The following UCHL5 variants were observed in gnomAD, a reference collection of about 807,000 sequenced individuals.
UCHL5 encodes the protein ubiquitin carboxyl-terminal hydrolase isozyme L5.
UCHL5 carries 34 observed loss-of-function variants against 53.8 expected under a neutral mutation model. That is an observed-to-expected ratio of 0.63 (90% confidence interval 0.48 to 0.84). The LOEUF (loss-of-function observed/expected upper bound fraction) is 0.84. UCHL5 is among the 40% of genes least tolerant of loss of function. The pLI is 0.00. For synonymous variants in UCHL5, 111 were observed against 126.3 expected, an observed-to-expected ratio of 0.88 and a Z score of 0.81; for missense variants, 290 against 385.6, an observed-to-expected ratio of 0.75 and a Z score of 2.08.
At chr1:193,036,551 ACT>A (rs1207450018) in intron 3 of UCHL5, among the ~76,000 whole-genome samples, 1 of 151,836 alleles carries the variant, frequency 6.6e-6, no homozygotes, top group East Asian at 1.9e-4. Flanking sequence ...ACTACTATCT[ACT>A]CTCTCTGACA....
chr1:193,039,047 T>A (rs1388972032), intron 3 of UCHL5, among the ~76,000 whole-genome samples: 1 of 152,182 alleles, frequency 6.6e-6, no homozygotes, highest in Non-Finnish European at 1.5e-5. Context: ...CTATTATATA[T>A]GCCAACAGTG....
chr1:193,028,562 CAAAAT>C (rs1023160600), intron 6 of UCHL5, among the ~76,000 whole-genome samples: 6 of 151,946 alleles, frequency 3.9e-5, no homozygotes, highest in Non-Finnish European at 8.8e-5. Flanking sequence ...TTAATGAAGT[CAAAAT>C]AAGGAGTTAA....
In UCHL5 at chr1:193,012,831, CAT is replaced by C. The variant is rs1476763533; in HGVS notation, c.*3518_*3519del. On this transcript the variant is annotated 3_prime_UTR_variant, in exon 11 of 11. Transcript: ENST00000367454. ...CATCTAGAACAACTCAGATGTACCT[CAT>C]AAGATTGGCTGAATAAATCACTGAA... is the stretch of plus-strand genomic sequence containing the variant. 5.3e-5 allele frequency: 8 copies of C among 152,144 alleles called. No homozygotes were observed. The highest frequency in any genetic ancestry group is 8.8e-5 in the Non-Finnish European group (6 of 68,024). 9.4% of individuals were successfully genotyped at this position (152,144 alleles called of 1,614,324 possible). A position where few individuals can be genotyped will look rare whatever the true frequency, so the allele number is the denominator to read the frequency against.
intron 1 of UCHL5, chr1:193,057,231 CTCTT>C (rs1259602185): frequency 6.5e-6 from 1 of 152,780 alleles, no homozygotes; most frequent in East Asian, 1.9e-4. Flanking sequence ...TTATTTTTGC[CTCTT>C]TTTTTCCCCA....
chr1:193,051,860 T>C, intron 1 of UCHL5, 43 bp from the exon 2 acceptor site: 1 of 1,406,372 alleles, frequency 7.1e-7, no homozygotes, highest in Non-Finnish European at 9.8e-7. Flanking sequence ...GGATAATTCA[T>C]TTTTTCCTTC....
rs982979473 is a variant in UCHL5 at position 193,048,506 on chromosome 1, A to G, written c.246+1240T>C. On this transcript the variant is annotated intron_variant, in intron 3 of 10. Coordinates refer to ENST00000367454, the MANE Select transcript of UCHL5 (RefSeq NM_001199261.3). ...GCAACATAATCCAAAGGATTTTACCATAACAAAGTACAAATTTTACATTAC... is the reference window on the plus strand; with the variant it reads ...GCAACATAATCCAAAGGATTTTACCGTAACAAAGTACAAATTTTACATTAC... Among the ~76,000 whole-genome samples, 7 of 152,256 alleles carry G rather than the reference A, an allele frequency of 4.6e-5. No homozygotes were observed. In the South Asian group the frequency reaches 1.4e-3, roughly 31 times the overall value.
chr1:193,021,016 T>C (rs2102302344), intron 10 of UCHL5, 81 bp downstream of exon 10: 2 of 1,131,192 alleles, frequency 1.8e-6, no homozygotes, highest in Non-Finnish European at 2.5e-6. Context: ...TTTACCTCTA[T>C]TCAAGCAAAA....
At chr1:193,049,888 T>G in intron 2 of UCHL5, 37 bp from the exon 3 acceptor site, 1 of 1,525,114 alleles carries the variant, frequency 6.6e-7, no homozygotes. Context: ...CATCAAACCC[T>G]GCTTCTTTCA....
rs188081044 is a variant in UCHL5, at chr1:193,027,960, G to A, written c.629+125C>T. ...CAACATGGTGAAAACCCGTCTCTAC[G>A]AAAAATTAAAAAGAAAAAAAAAAGT... On this transcript the variant is annotated intron_variant, in intron 7 of 10. Coordinates refer to ENST00000367454, the MANE Select transcript of UCHL5 (RefSeq NM_001199261.3). The A allele has an allele frequency of 5.4e-4, 807 of 1,494,786 alleles. 1 individual carries two copies. The African/African-American group carries it at 9.8e-3, about 18-fold the overall frequency. 92.6% of individuals were successfully genotyped at this position (1,494,786 alleles called of 1,614,324 possible). A position where few individuals can be genotyped will look rare whatever the true frequency, so the allele number is the denominator to read the frequency against.
At position 193,016,377 on chromosome 1, in the gene UCHL5, C is replaced by T. The variant is rs146351256; in HGVS notation, c.961G>A (p.Ala321Thr). 1,216 of 1,605,162 alleles carry T rather than the reference C, an allele frequency of 7.6e-4. No individual in the cohort carries two copies. The highest frequency in any genetic ancestry group is 9.8e-4 in the Non-Finnish European group (1,156 of 1,176,976). The change falls in exon 11 of 11, where the codon GCA (alanine) becomes ACA (threonine). Residue 321 changes from alanine to threonine, a missense_variant. Coordinates refer to ENST00000367454, the MANE Select transcript of UCHL5 (RefSeq NM_001199261.3). ...CATTTGGTTTCCTGAGCTTTCTTTGCGTTCTGTTTTTCTTTTGCCTAAAAA... is the reference window on the plus strand; with the variant it reads ...CATTTGGTTTCCTGAGCTTTCTTTGTGTTCTGTTTTTCTTTTGCCTAAAAA... ...LVEKAKEKQNAKKAQETK is the reference protein window; with the variant it reads ...LVEKAKEKQNTKKAQETK
chr1:193,049,504 G>A (rs1235925935), intron 3 of UCHL5: 8 of 318,300 alleles, frequency 2.5e-5, no homozygotes, highest in East Asian at 5.4e-5. Flanking sequence ...CATGCCTGGC[G>A]TAAATATTAT....
chr1:193,054,954 T>C (rs185256763), intron 1 of UCHL5, among the ~76,000 whole-genome samples: 1 of 152,282 alleles, frequency 6.6e-6, no homozygotes. Flanking sequence ...GAAATGTCAA[T>C]ACAAAAATCC....
rs1432089738 is a variant in UCHL5, at chr1:193,020,497, A to C, written c.942+600T>G. The C allele has an allele frequency of 2.8e-6, 4 of 1,448,768 alleles. No homozygotes were observed. In the South Asian group the frequency reaches 6.0e-5, roughly 22 times the overall value. 89.7% of individuals were successfully genotyped at this position (1,448,768 alleles called of 1,614,324 possible). A position where few individuals can be genotyped will look rare whatever the true frequency, so the allele number is the denominator to read the frequency against. On this transcript the variant is annotated intron_variant, in intron 10 of 10. Transcript: ENST00000367454. ...GTAACATGTATTTTAAAGAGTATCC[A>C]CTGATGTTCACTTTCAGAAACACTG...
At position 193,049,865 on chromosome 1, in the gene UCHL5, T is replaced by C. The variant is rs772983051; in HGVS notation, c.141-14A>G. 1.9e-5 allele frequency: 31 copies of C among 1,595,752 alleles called. No individual in the cohort carries two copies. The Admixed American group carries it at 3.1e-4, about 16-fold the overall frequency. ...CCATGAACTGGCCTACAAAATAAAA[T>C]ACAAATTAATGACATCAAACCCTGC... is the stretch of plus-strand genomic sequence containing the variant. On this transcript the variant is annotated splice_polypyrimidine_tract_variant and intron_variant, in intron 2 of 10. Coordinates refer to ENST00000367454, the MANE Select transcript of UCHL5 (RefSeq NM_001199261.3).
intron 8 of UCHL5, 96 bp from the exon 9 acceptor site, chr1:193,023,132 A>G: frequency 1.0e-6 from 1 of 956,444 alleles, no homozygotes; most frequent in South Asian, 1.6e-5. Context: ...TTATTTTCAA[A>G]TTTTTACTCT....
At chr1:193,051,952 T>C in intron 1 of UCHL5, 135 bp from the exon 2 acceptor site, 1 of 590,674 alleles carries the variant, frequency 1.7e-6, no homozygotes, top group Non-Finnish European at 3.0e-6. Context: ...CACAGCCAAA[T>C]CTCATTACTC....
chr1:193,023,987 T>G (rs1380285593), intron 7 of UCHL5, 41 bp from the exon 8 acceptor site: 2 of 1,354,410 alleles, frequency 1.5e-6, no homozygotes, highest in Non-Finnish European at 2.1e-6. Context: ...AATAAAGAAT[T>G]GTACAACTAT....
chr1:193,054,715 T>A (rs1047310759), intron 1 of UCHL5, among the ~76,000 whole-genome samples: 5 of 152,168 alleles, frequency 3.3e-5, no homozygotes, highest in African/African-American at 1.2e-4. Context: ...AAGCCAGGCA[T>A]TATCTCTTTC....
chr1:193,023,078 G>A, intron 8 of UCHL5, 42 bp from the exon 9 acceptor site: 1 of 1,343,386 alleles, frequency 7.4e-7, no homozygotes, highest in African/African-American at 1.5e-5. Context: ...CCTAATAATT[G>A]AGGCTTACAT....
Sources: allele counts gnomAD v4.1 joint callset (sites outside exome capture counted in the v4.1 genomes callset), GRCh38; gene constraint gnomAD v4.1.1; transcripts MANE v1.5; gene names NCBI Gene and HGNC (gene_info 2026-07-23, HGNC 2026-07-21).